SMIM22: variants seen among roughly 807,000 people sequenced by gnomAD.
SMIM22 encodes the protein cancer associated small integral membrane open reading frame 1.
Under a neutral mutation model 8.4 loss-of-function variants are expected in SMIM22, and 16 were observed. The observed-to-expected ratio is 1.90, with a 90% CI of 1.29 to 2.89. The LOEUF is 2.89. Among genes scored for constraint, SMIM22 ranks in the 30% most tolerant of loss-of-function variants. The pLI is 0.00. For synonymous variants in SMIM22, 67 were observed against 47.6 expected (o/e 1.41, Z -1.68); for missense variants, 159 against 107.5 (o/e 1.48, Z -2.12).
rs142917248 is a variant in SMIM22, at chr16:4,789,175, G to A, written c.-146+404G>A. 7.2e-5 allele frequency among the ~76,000 whole-genome samples: 11 copies of A among 152,008 alleles called. No homozygotes were observed. In the East Asian group the frequency reaches 1.6e-3, roughly 21 times the overall value. Reference sequence around the variant, plus strand: ...CTGGATTACCGGTGTGCACCACCACGCTAATTTTGTATTTTTAGTAGAGAA... The same window carrying A: ...CTGGATTACCGGTGTGCACCACCACACTAATTTTGTATTTTTAGTAGAGAA... On this transcript the variant is annotated intron_variant, in intron 2 of 5. Transcript: ENST00000589327.
intron 1 of SMIM22, 106 bp from the exon 2 acceptor site, chr16:4,795,609 G>A: frequency 1.5e-6 from 2 of 1,369,060 alleles, no homozygotes; most frequent in Non-Finnish European, 1.9e-6. Flanking sequence ...TGGGGAAGCT[G>A]GCGCTGGGCC....
chr16:4,794,369 AG>A (rs1374077297), upstream of SMIM22, among the ~76,000 whole-genome samples: 1 of 150,814 alleles, frequency 6.6e-6, no homozygotes, highest in African/African-American at 2.4e-5. Context: ...GGCCTCCCAA[AG>A]TGCTGGGATT....
At position 4,796,396 on chromosome 16, in the gene SMIM22, G is replaced by A; in HGVS notation, c.*165G>A. ...CCTTCAGTCAGCACGACTGTGCCAG[G>A]TCATCCTCAGTCACCTAGCTGGGAG... is the stretch of plus-strand genomic sequence containing the variant. On this transcript the variant is annotated 3_prime_UTR_variant, in exon 4 of 4. Transcript: ENST00000586005. 2.7e-6 allele frequency: 2 copies of A among 754,226 alleles called. No homozygotes were observed. Among genetic ancestry groups the A allele is most frequent in the South Asian group, 1.8e-5 (1 of 54,598 alleles). 46.7% of individuals were successfully genotyped at this position (754,226 alleles called of 1,614,324 possible).
chr16:4,788,636 G>A (rs955752064), intron 1 of SMIM22: 1 of 152,200 alleles, frequency 6.6e-6, no homozygotes, highest in East Asian at 1.9e-4. Flanking sequence ...CACGATTGGC[G>A]CCATGTGTTT....
upstream of SMIM22, among the ~76,000 whole-genome samples, chr16:4,794,667 G>A (rs1014489219): frequency 6.6e-6 from 1 of 152,096 alleles, no homozygotes; most frequent in South Asian, 2.1e-4. Context: ...CAGCTGACCC[G>A]CCTCTGCCTC....
upstream of SMIM22, chr16:4,794,907 G>A (rs573101151): frequency 6.6e-6 from 1 of 152,396 alleles, no homozygotes; most frequent in Non-Finnish European, 1.5e-5. Context: ...AAAGTATAGA[G>A]TATATGCACA....
At chr16:4,790,497 G>A (rs950975380), upstream of SMIM22, among the ~76,000 whole-genome samples, 1 of 152,140 alleles carries the variant, frequency 6.6e-6, no homozygotes, top group African/African-American at 2.4e-5. Flanking sequence ...AAGGCTTAGA[G>A]GCTAGGGGTC....
At chr16:4,794,441 A>G (rs1160770712), upstream of SMIM22, among the ~76,000 whole-genome samples, 2 of 129,544 alleles carry the variant, frequency 1.5e-5, no homozygotes, top group Non-Finnish European at 3.2e-5. Flanking sequence ...TTTTTTTGAG[A>G]TGGAGTTTTG....
chr16:4,794,884 C>T (rs1482954764), upstream of SMIM22: 2 of 152,202 alleles, frequency 1.3e-5, no homozygotes, highest in African/African-American at 2.4e-5. Flanking sequence ...TATAAGTAAT[C>T]CAGAGATGAT....
In SMIM22 at chr16:4,796,476, G is replaced by C. The variant is rs145436548; in HGVS notation, c.*245G>C. ...CTCACACCTATAATCCCAGCACTTT[G>C]GGAGGCCGAGGTGGGCGGATCACGA... On this transcript the variant is annotated 3_prime_UTR_variant, in exon 4 of 4. Coordinates refer to ENST00000586005, the MANE Select transcript of SMIM22 (RefSeq NM_001253794.2). The C allele has an allele frequency of 2.0e-4, 104 of 516,500 alleles. No individual in the cohort carries two copies. The highest frequency in any genetic ancestry group is 5.6e-4 in the Admixed American group (16 of 28,714). 32.0% of individuals were successfully genotyped at this position (516,500 alleles called of 1,614,324 possible).
chr16:4,789,284 T>C (rs147396444), intron 2 of SMIM22, among the ~76,000 whole-genome samples: 135 of 152,314 alleles, frequency 8.9e-4, no homozygotes, highest in African/African-American at 3.0e-3. Context: ...AGTGTTGGGA[T>C]TAGTGAGCCA....
intron 2 of SMIM22, among the ~76,000 whole-genome samples, chr16:4,789,377 G>A (rs2082513519): frequency 2.0e-5 from 3 of 150,870 alleles, no homozygotes; most frequent in South Asian, 4.2e-4. Flanking sequence ...CCAGGCTGGA[G>A]TTTAGTGGCA....
chr16:4,788,578 G>C (rs1043000176), exon 1 of SMIM22: 1 of 152,210 alleles, frequency 6.6e-6, no homozygotes, highest in African/African-American at 2.4e-5. Context: ...CACTCTGCTG[G>C]GGTGAGCAAA....
chr16:4,796,109 G>T (rs1216836126), intron 3 of SMIM22, 61 bp downstream of exon 3: 1 of 1,536,042 alleles, frequency 6.5e-7, no homozygotes, highest in Admixed American at 2.0e-5. Flanking sequence ...GGCGGAAGGT[G>T]AGGGGAGTGG....
At chr16:4,792,146 C>T (rs2082560013), upstream of SMIM22, among the ~76,000 whole-genome samples, 1 of 152,116 alleles carries the variant, frequency 6.6e-6, no homozygotes, top group African/African-American at 2.4e-5. Flanking sequence ...CTCCTGCCCA[C>T]CCAGCCAGGC....
intron 3 of SMIM22, 41 bp from the exon 4 acceptor site, chr16:4,796,149 A>G: frequency 2.6e-6 from 4 of 1,535,966 alleles, no homozygotes; most frequent in Non-Finnish European, 3.5e-6. Flanking sequence ...CCTAGGGAAC[A>G]ACGAGCGAAC....
At chr16:4,789,174 C>T (rs1439441351) in intron 2 of SMIM22, among the ~76,000 whole-genome samples, 1 of 151,930 alleles carries the variant, frequency 6.6e-6, no homozygotes, top group African/African-American at 2.4e-5. Context: ...TGCACCACCA[C>T]GCTAATTTTG....
Position 4,795,850 on chromosome 16 carries a change from C to T in SMIM22, c.116C>T (p.Thr39Ile), listed in dbSNP as rs1284126993. 2.6e-6 allele frequency: 4 copies of T among 1,535,760 alleles called. No homozygotes were observed. Among genetic ancestry groups the T allele is most frequent in the East Asian group, 2.4e-5 (1 of 40,906 alleles). ...ACTGTTGCCTTCATTGTTTTCCTCA[C>T]CTTCATGGGTAAGTGTGGCTGTGGC... ...WDTVAFIVFL[T>I]FMGTVLLLLL... The change falls in exon 2 of 4, where the codon ACC (threonine) becomes ATC (isoleucine). Residue 39 changes from threonine (T) to isoleucine (I), a missense_variant. Coordinates refer to ENST00000586005, the MANE Select transcript of SMIM22 (RefSeq NM_001253794.2).
chr16:4,791,863 T>C (rs1048405133), upstream of SMIM22, among the ~76,000 whole-genome samples: 1 of 151,866 alleles, frequency 6.6e-6, no homozygotes, highest in Non-Finnish European at 1.5e-5. Flanking sequence ...AATTTTTGTA[T>C]TTTTAGTAGA....
Sources: allele counts gnomAD v4.1 joint callset (sites outside exome capture counted in the v4.1 genomes callset), GRCh38; gene constraint gnomAD v4.1.1; transcripts MANE v1.5; gene names NCBI Gene and HGNC (gene_info 2026-07-23, HGNC 2026-07-21).